Variants in KLHL1 observed in about 807,000 individuals in gnomAD.
KLHL1 encodes the protein kelch-like protein 1.
In KLHL1, 47 loss-of-function variants were observed where a neutral mutation model predicts 77.7. That is an observed-to-expected ratio of 0.60 (90% CI 0.48 to 0.77). The LOEUF is 0.77. KLHL1 is among the 30% of genes least tolerant of loss of function. The probability of loss-of-function intolerance (pLI) is 0.00; values close to 1 mark genes in which losing one functional copy is unlikely to be tolerated. For missense variants in KLHL1, 925 were observed against 910.8 expected, an observed-to-expected ratio of 1.02 and a Z score of -0.20; for synonymous variants, 360 against 325.2, an observed-to-expected ratio of 1.11 and a Z score of -1.15.
rs143807759 is a variant in KLHL1 at position 70,046,854 on chromosome 13, A to C, written c.497+60349T>G. Among the ~76,000 whole-genome samples the C allele has an allele frequency of 8.4e-3, 1,277 of 152,244 alleles. 14 individuals carry two copies. Among genetic ancestry groups the C allele is most frequent in the Non-Finnish European group, 0.013 (875 of 68,004 alleles). On this transcript the variant is annotated intron_variant, in intron 1 of 10. Transcript: ENST00000377844. ...TTACCCCACCAAGTACCGAAGCTGC[A>C]ATCAGGACCCTCTTCCTCTCTCCAA...
At position 69,962,684 on chromosome 13, in the gene KLHL1, GA is replaced by G. The variant is rs201487406; in HGVS notation, c.681-1241del. On this transcript the variant is annotated intron_variant, in intron 2 of 10. Coordinates refer to ENST00000377844, the MANE Select transcript of KLHL1 (RefSeq NM_020866.3). ...AATGTTGTTAATGATATTTTAGAAT[GA>G]AAAAAATTATGATATTTTCAAGTAT... Among the ~76,000 whole-genome samples, 565 of 150,618 alleles carry G rather than the reference GA, an allele frequency of 3.8e-3. 4 individuals are homozygous for G. The highest frequency in any genetic ancestry group is 6.2e-3 in the Non-Finnish European group (423 of 67,930).
intron 7 of KLHL1, among the ~76,000 whole-genome samples, chr13:69,783,509 T>A (rs1048767883): frequency 6.6e-6 from 1 of 151,928 alleles, no homozygotes. Context: ...AAGCCAAGGC[T>A]TGAGAACTAC....
Position 69,882,447 on chromosome 13 carries a change from C to G in KLHL1, c.1063G>C (p.Ala355Pro), listed in dbSNP as rs113112947. The G allele has an allele frequency of 6.2e-7, 1 of 1,613,844 alleles. No individual in the cohort carries two copies. Among genetic ancestry groups the G allele is most frequent in the South Asian group, 1.1e-5 (1 of 91,078 alleles). The change falls in exon 5 of 11, where the codon GCT becomes CCT. Residue 355 changes from alanine (A) to proline (P), a missense_variant. Transcript: ENST00000377844. Reference protein sequence around the residue: ...IRNQEFLLLPAEELHKLLASD... With the variant: ...IRNQEFLLLPPEELHKLLASD... ...GCCAGTAGTTTATGGAGCTCCTCAG[C>G]TGGAAGGAGTAAAAACTCTTGATTT... is the stretch of plus-strand genomic sequence containing the variant.
At chr13:69,917,398 C>G (rs1360144667) in intron 4 of KLHL1, among the ~76,000 whole-genome samples, 1 of 151,976 alleles carries the variant, frequency 6.6e-6, no homozygotes, top group Non-Finnish European at 1.5e-5. Context: ...TTCACAATGA[C>G]TGTAAATGTC....
intron 1 of KLHL1, among the ~76,000 whole-genome samples, chr13:70,030,945 A>G (rs2439607): frequency 0.61 from 93,170 of 152,010 alleles, 30,058 homozygotes; most frequent in East Asian, 0.81. Context: ...AGAAACTGCC[A>G]TCAGAGAATA....
At chr13:69,767,326 T>C (rs1383701997) in intron 7 of KLHL1, among the ~76,000 whole-genome samples, 1 of 152,202 alleles carries the variant, frequency 6.6e-6, no homozygotes, top group Non-Finnish European at 1.5e-5. Flanking sequence ...AAGTTTGTTA[T>C]ACAGAACTTG....
chr13:69,721,799 T>C (rs1434897293), intron 8 of KLHL1, among the ~76,000 whole-genome samples: 1 of 151,974 alleles, frequency 6.6e-6, no homozygotes, highest in Admixed American at 6.6e-5. Flanking sequence ...AATACCTCTT[T>C]GCTTGATTAC....
At chr13:70,069,311 G>A (rs1371799571) in intron 1 of KLHL1, among the ~76,000 whole-genome samples, 1 of 152,150 alleles carries the variant, frequency 6.6e-6, no homozygotes, top group Non-Finnish European at 1.5e-5. Context: ...AAAAACAGGG[G>A]CACCAGAAGG....
At chr13:69,717,132 C>T (rs971893205) in intron 9 of KLHL1, among the ~76,000 whole-genome samples, 4 of 152,050 alleles carry the variant, frequency 2.6e-5, no homozygotes, top group African/African-American at 9.7e-5. Flanking sequence ...TTAACACCAC[C>T]ATTATATAAT....
At chr13:69,924,998 G>T (rs1046568261) in intron 4 of KLHL1, among the ~76,000 whole-genome samples, 3 of 152,096 alleles carry the variant, frequency 2.0e-5, no homozygotes, top group Non-Finnish European at 4.4e-5. Flanking sequence ...ATGCTACCTC[G>T]CTCACACACT....
chr13:70,013,301 T>G (rs976292887), intron 1 of KLHL1, among the ~76,000 whole-genome samples: 3 of 152,154 alleles, frequency 2.0e-5, no homozygotes, highest in African/African-American at 7.2e-5. Context: ...ACAAAGGGAA[T>G]GCAGAGAACC....
At chr13:69,860,513 T>C (rs760897808) in intron 5 of KLHL1, among the ~76,000 whole-genome samples, 1 of 152,036 alleles carries the variant, frequency 6.6e-6, no homozygotes, top group Non-Finnish European at 1.5e-5. Flanking sequence ...GGAATGTTTA[T>C]AGATTCATGA....
chr13:69,911,948 C>T (rs1237194942), intron 4 of KLHL1, among the ~76,000 whole-genome samples: 1 of 152,114 alleles, frequency 6.6e-6, no homozygotes, highest in East Asian at 1.9e-4. Flanking sequence ...AGAGTGGTCC[C>T]TAAAACTGGG....
intron 1 of KLHL1, among the ~76,000 whole-genome samples, chr13:70,004,204 T>C (rs182821170): frequency 7.9e-5 from 12 of 151,908 alleles, no homozygotes; most frequent in Admixed American, 7.2e-4. Context: ...TCCTGAAAGG[T>C]TGGAAATAGA....
intron 4 of KLHL1, among the ~76,000 whole-genome samples, chr13:69,914,240 G>C (rs1882342023): frequency 6.6e-6 from 1 of 152,054 alleles, no homozygotes; most frequent in Non-Finnish European, 1.5e-5. Flanking sequence ...TCCCTCTAGA[G>C]AACCTTGACT....
chr13:69,892,422 C>A (rs1274274501), intron 4 of KLHL1, among the ~76,000 whole-genome samples: 1 of 152,124 alleles, frequency 6.6e-6, no homozygotes, highest in Non-Finnish European at 1.5e-5. Flanking sequence ...TCCTCTACAA[C>A]CTTACTAGAA....
At chr13:70,055,006 T>C (rs1419918697) in intron 1 of KLHL1, among the ~76,000 whole-genome samples, 1 of 49,510 alleles carries the variant, frequency 2.0e-5, no homozygotes, top group African/African-American at 7.5e-5. Flanking sequence ...GGTTAAAAAG[T>C]TTATTCAAAG....
At chr13:69,983,335 G>A (rs1400318104) in intron 1 of KLHL1, among the ~76,000 whole-genome samples, 1 of 151,814 alleles carries the variant, frequency 6.6e-6, no homozygotes, top group Non-Finnish European at 1.5e-5. Flanking sequence ...TCAAATAAAT[G>A]GTAAAAGCAA....
chr13:69,769,884 G>C (rs1875479382), intron 7 of KLHL1, among the ~76,000 whole-genome samples: 1 of 152,078 alleles, frequency 6.6e-6, no homozygotes, highest in Non-Finnish European at 1.5e-5. Context: ...GGAATGAAAA[G>C]GGGTGAAACA....
Sources: allele counts gnomAD v4.1 joint callset (sites outside exome capture counted in the v4.1 genomes callset), GRCh38; gene constraint gnomAD v4.1.1; transcripts MANE v1.5; gene names NCBI Gene and HGNC (gene_info 2026-07-23, HGNC 2026-07-21).